KLHL23: variants seen among roughly 807,000 people sequenced by gnomAD.
KLHL23 encodes kelch-like protein 23.
In KLHL23, 33 loss-of-function variants were observed where a neutral mutation model predicts 48.9. The observed-to-expected ratio is 0.67, with a 90% CI of 0.51 to 0.90. KLHL23 has a LOEUF of 0.90. KLHL23 is among the 40% of genes least tolerant of loss of function. The pLI, the probability that KLHL23 is intolerant of heterozygous loss-of-function variation, is 0.00. For missense variants in KLHL23, 608 were observed against 669.6 expected (o/e 0.91, Z 1.02); for synonymous variants, 234 against 231.6 (o/e 1.01, Z -0.09).
intron 3 of KLHL23, among the ~76,000 whole-genome samples, chr2:169,745,948 T>G (rs1688786422): frequency 6.6e-6 from 1 of 152,138 alleles, no homozygotes; most frequent in Non-Finnish European, 1.5e-5. Context: ...GGTAGCTGAA[T>G]GTAGAGATCT....
At chr2:169,741,960 T>C (rs979897847) in intron 3 of KLHL23, among the ~76,000 whole-genome samples, 1 of 152,248 alleles carries the variant, frequency 6.6e-6, no homozygotes, top group Non-Finnish European at 1.5e-5. Flanking sequence ...TTTAGAAGCA[T>C]GTTCTTTCTA....
At position 169,735,397 on chromosome 2, in the gene KLHL23, G is replaced by C. The variant is rs1322865156; in HGVS notation, c.383G>C (p.Arg128Pro). The C allele has an allele frequency of 1.2e-6, 2 of 1,613,376 alleles. No homozygotes were observed. Reference sequence around the variant, plus strand: ...CTTTCAGTAAAGAAGGCTTGTGAGCGGTTTTTGGTAAGGCACTTGGATATT... The same window carrying C: ...CTTTCAGTAAAGAAGGCTTGTGAGCCGTTTTTGGTAAGGCACTTGGATATT... ...QFLSVKKACE[R>P]FLVRHLDIDN... Residue 128 changes from arginine to proline, a missense_variant, in exon 2 of 4, where the codon CGG becomes CCG. Physicochemically the swap from Arg to Pro is moderately radical, Grantham distance 103. Transcript: ENST00000392647. This position sits in a 1 kb window ranked among gnomAD's most constrained non-coding sequence, Gnocchi z 4.5.
intron 3 of KLHL23, among the ~76,000 whole-genome samples, chr2:169,747,106 A>G (rs6717208): frequency 0.066 from 10,080 of 152,202 alleles, 364 homozygotes; most frequent in Non-Finnish European, 0.088. Context: ...AGGGAGGGCC[A>G]GGCACGGTGG....
At chr2:169,736,602 A>G (rs1335512701) in intron 2 of KLHL23, among the ~76,000 whole-genome samples, 1 of 152,234 alleles carries the variant, frequency 6.6e-6, no homozygotes, top group African/African-American at 2.4e-5. Context: ...AGGATGTAAC[A>G]AAGTACATTC....
chr2:169,735,054 A>C lies in KLHL23; in HGVS notation c.40A>C (p.Lys14Gln), dbSNP rs1292081743. Residue 14 changes from lysine to glutamine, a missense_variant, in exon 2 of 4, where the codon AAG becomes CAG. Coordinates refer to ENST00000392647, the MANE Select transcript of KLHL23 (RefSeq NM_144711.6). The surrounding 1 kb of genome is among the most constrained non-coding windows in gnomAD (Gnocchi z 4.5). ...ACAAGAAGATTATATTTATCTTTTCAAGGATTCAACACATCCAGTGGATTT... is the reference window on the plus strand; with the variant it reads ...ACAAGAAGATTATATTTATCTTTTCCAGGATTCAACACATCCAGTGGATTT... ...KGQEDYIYLF[K>Q]DSTHPVDFLD... 6.3e-7 allele frequency: 1 copy of C among 1,577,932 alleles called. No individual in the cohort carries two copies. The highest frequency in any genetic ancestry group is 8.6e-7 in the Non-Finnish European group (1 of 1,167,946).
At position 169,749,494 on chromosome 2, in the gene KLHL23, G is replaced by A. The variant is rs772713635; in HGVS notation, c.1439G>A (p.Cys480Tyr). 2.5e-6 allele frequency: 4 copies of A among 1,613,982 alleles called. No individual in the cohort carries two copies. In the African/African-American group the frequency reaches 4.0e-5, roughly 16 times the overall value. ...LVGGQTTITECYDPEQNEWRE... is the reference protein window; with the variant it reads ...LVGGQTTITEYYDPEQNEWRE... ...GGCGGACAAACTACAATCACAGAATGCTATGACCCTGAACAAAATGAATGG... is the reference window on the plus strand; with the variant it reads ...GGCGGACAAACTACAATCACAGAATACTATGACCCTGAACAAAATGAATGG... The change falls in exon 4 of 4, where the codon TGC (cysteine) becomes TAC (tyrosine). Residue 480 changes from cysteine to tyrosine, a missense_variant. Physicochemically the swap from Cys to Tyr is radical, Grantham distance 194 (BLOSUM62 -2). This residue lies in a region of KLHL23 where 179 missense variants were observed against 169.9 expected (regional missense o/e 1.05). Transcript: ENST00000392647.
chr2:169,748,203 C>T lies in KLHL23; in HGVS notation c.1367-1219C>T, dbSNP rs1020343510. Among the ~76,000 whole-genome samples, 6 of 152,128 alleles carry T rather than the reference C, an allele frequency of 3.9e-5. No homozygotes were observed. In the South Asian group the frequency reaches 6.2e-4, roughly 16 times the overall value. On this transcript the variant is annotated intron_variant, in intron 3 of 3. Transcript: ENST00000392647. The stretch of plus-strand genomic sequence containing the variant: ...TTAAAATAGGATGATGTGGTAGAGA[C>T]GCCTGCCTGGCCACTTCAGGCTGGG...
intron 3 of KLHL23, among the ~76,000 whole-genome samples, chr2:169,746,388 T>C (rs765653349): frequency 2.0e-5 from 3 of 152,256 alleles, no homozygotes; most frequent in Non-Finnish European, 4.4e-5. Context: ...CATCTAACAC[T>C]GAATACAGAC....
At position 169,735,856 on chromosome 2, in the gene KLHL23, A is replaced by T. The variant is rs1688501198; in HGVS notation, c.842A>T (p.Tyr281Phe). The change falls in exon 2 of 4, where the codon TAT (tyrosine) becomes TTT (phenylalanine). Residue 281 changes from tyrosine to phenylalanine, a missense_variant. Physicochemically the swap from Tyr to Phe is conservative, Grantham distance 22. This residue lies in a region of KLHL23 where 419 missense variants were observed against 473.1 expected (regional missense o/e 0.89). Transcript: ENST00000392647. The surrounding 1 kb of genome is among the most constrained non-coding windows in gnomAD (Gnocchi z 4.5). ...STATMYIIGG[Y>F]YWHPLSEVHI... ...GCCACAATGTATATAATTGGAGGCT[A>T]TTACTGGCATCCTTTATCAGAGGTT... 6.2e-7 allele frequency: 1 copy of T among 1,614,010 alleles called. No homozygotes were observed. Among genetic ancestry groups the T allele is most frequent in the Non-Finnish European group, 8.5e-7 (1 of 1,180,038 alleles).
chr2:169,738,974 TTCC>T lies in KLHL23; in HGVS notation c.1214-2410_1214-2408del, dbSNP rs1688602770. On this transcript the variant is annotated intron_variant, in intron 2 of 3. Transcript: ENST00000392647. ...CTCCCCCTCCTCCCTCTCCTCCCCC[TTCC>T]CCTCCCCCTCCCCCTCCTCCCCTTC... 3.5e-3 allele frequency among the ~76,000 whole-genome samples: 6 copies of T among 1,706 alleles called. 1 individual carries two copies. Among genetic ancestry groups the T allele is most frequent in the East Asian group, 0.017 (1 of 60 alleles). 1.1% of individuals were successfully genotyped at this position (1,706 alleles called of 152,430 possible).
chr2:169,745,721 A>G (rs1289622895), intron 3 of KLHL23, among the ~76,000 whole-genome samples: 13 of 152,112 alleles, frequency 8.5e-5, no homozygotes, highest in Non-Finnish European at 8.8e-5. Flanking sequence ...GACAGCATAC[A>G]GGAGATGAAG....
At chr2:169,749,283 G>T (rs1433831835) in intron 3 of KLHL23, 139 bp from the exon 4 acceptor site, 28 of 892,694 alleles carry the variant, frequency 3.1e-5, no homozygotes, top group Non-Finnish European at 4.4e-5. Context: ...TTGCAGTATT[G>T]TGTGCCTGAA....
At chr2:169,749,043 A>G (rs566476019) in intron 3 of KLHL23, among the ~76,000 whole-genome samples, 10 of 152,326 alleles carry the variant, frequency 6.6e-5, no homozygotes, top group African/African-American at 2.4e-4. Context: ...AAGGGACACC[A>G]CTGCTTATCG....
intron 3 of KLHL23, among the ~76,000 whole-genome samples, chr2:169,741,913 CCCAG>C: frequency 6.6e-6 from 1 of 152,280 alleles, no homozygotes; most frequent in East Asian, 1.9e-4. Context: ...AGAAAGGGTA[CCCAG>C]TGATTGAAGT....
chr2:169,745,687 C>G (rs1055824067), intron 3 of KLHL23, among the ~76,000 whole-genome samples: 3 of 152,018 alleles, frequency 2.0e-5, no homozygotes, highest in African/African-American at 7.3e-5. Flanking sequence ...GTCATAGATT[C>G]AACAGCTGAT....
intron 3 of KLHL23, among the ~76,000 whole-genome samples, 167 bp from the exon 4 acceptor site, chr2:169,749,254 AT>A (rs1052494143): frequency 1.3e-5 from 2 of 152,210 alleles, no homozygotes; most frequent in African/African-American, 4.8e-5. Flanking sequence ...GTGACAGGGA[AT>A]GATTTTCAGC....
Position 169,749,519 on chromosome 2 carries a change from G to C in KLHL23, c.1464G>C (p.Trp488Cys). The change falls in exon 4 of 4, where the codon TGG becomes TGC. Residue 488 changes from tryptophan (W) to cysteine (C), a missense_variant. Physicochemically the swap from Trp to Cys is radical, Grantham distance 215. Coordinates refer to ENST00000392647, the MANE Select transcript of KLHL23 (RefSeq NM_144711.6). ...GCTATGACCCTGAACAAAATGAATG[G>C]AGAGAGATAGCTCCCATGATGGAAA... ...TECYDPEQNE[W>C]REIAPMMERR... 6.2e-7 allele frequency: 1 copy of C among 1,614,070 alleles called. No homozygotes were observed. Among genetic ancestry groups the C allele is most frequent in the Non-Finnish European group, 8.5e-7 (1 of 1,180,002 alleles).
intron 2 of KLHL23, among the ~76,000 whole-genome samples, chr2:169,739,268 C>T (rs983466646): frequency 1.3e-5 from 2 of 151,930 alleles, no homozygotes; most frequent in Non-Finnish European, 2.9e-5. Flanking sequence ...AGACCGCCCA[C>T]CCTGGCCAGT....
At position 169,735,715 on chromosome 2, in the gene KLHL23, A is replaced by T; in HGVS notation, c.701A>T (p.Tyr234Phe). ...SYINIDIDPV[Y>F]LKTALGLQRS... is the part of the protein sequence containing the mutation. ...ATCAACATTGATATAGATCCAGTGTACTTAAAAACAGCCTTAGGCCTTCAA... is the reference window on the plus strand; with the variant it reads ...ATCAACATTGATATAGATCCAGTGTTCTTAAAAACAGCCTTAGGCCTTCAA... Residue 234 changes from tyrosine to phenylalanine, a missense_variant, in exon 2 of 4, where the codon TAC becomes TTC. Physicochemically the swap from Tyr to Phe is conservative, Grantham distance 22. This residue lies in a region of KLHL23 where 419 missense variants were observed against 473.1 expected (regional missense o/e 0.89). Coordinates refer to ENST00000392647, the MANE Select transcript of KLHL23 (RefSeq NM_144711.6). This position sits in a 1 kb window ranked among gnomAD's most constrained non-coding sequence, Gnocchi z 4.5. 6.2e-7 allele frequency: 1 copy of T among 1,614,032 alleles called. No individual in the cohort carries two copies. Among genetic ancestry groups the T allele is most frequent in the Non-Finnish European group, 8.5e-7 (1 of 1,180,022 alleles).
Sources: allele counts gnomAD v4.1 joint callset (sites outside exome capture counted in the v4.1 genomes callset), GRCh38; gene constraint gnomAD v4.1.1; regional missense constraint gnomAD v4.1.1; non-coding constraint Gnocchi (gnomAD v3.1); transcripts MANE v1.5; gene names NCBI Gene and HGNC (gene_info 2026-07-23, HGNC 2026-07-21).